The following NRG1 variants were observed in gnomAD, a reference collection of about 807,000 sequenced individuals.
NRG1 encodes the protein neuregulin 1, also known as pro-neuregulin-1, membrane-bound isoform.
In NRG1, 18 loss-of-function variants were observed where a neutral mutation model predicts 63.8. That is an observed-to-expected ratio of 0.28 (90% CI 0.19 to 0.42). The LOEUF is 0.42. Ranked by LOEUF, NRG1 falls within the 10% of genes least tolerant of loss-of-function variation. NRG1 has a pLI of 1.00. For missense variants in NRG1, 762 were observed against 814.7 expected (o/e 0.94, Z 0.79); for synonymous variants, 302 against 301.3 (o/e 1.00, Z -0.02).
chr8:32,396,718 G>T (rs1203305298), intron 1 of NRG1, among the ~76,000 whole-genome samples: 2 of 152,142 alleles, frequency 1.3e-5, no homozygotes, highest in East Asian at 3.9e-4. Flanking sequence ...AAAGTACTGG[G>T]ATTACAGGCA....
Position 31,791,215 on chromosome 8 carries a change from AAAAAAGAAAG to A in NRG1, c.37+151790_37+151799del, listed in dbSNP as rs1161561927. Among the ~76,000 whole-genome samples the A allele has an allele frequency of 6.6e-5, 10 of 151,910 alleles. 1 individual carries two copies. The highest frequency in any genetic ancestry group is 2.4e-4 in the African/African-American group (10 of 41,442). ...AGAGTGAAACTGTGCCAAAAAAAAAAAAAAAGAAAGAAAAAAAGAAGAGATAGTGAGATAG... is the reference window on the plus strand; with the variant it reads ...AGAGTGAAACTGTGCCAAAAAAAAAAAAAAAAAGAAGAGATAGTGAGATAG... On this transcript the variant is annotated intron_variant, in intron 1 of 10. Transcript: ENST00000519301.
chr8:32,412,151 G>A (rs1336758170), intron 1 of NRG1, among the ~76,000 whole-genome samples: 2 of 152,046 alleles, frequency 1.3e-5, no homozygotes, highest in Non-Finnish European at 2.9e-5. Flanking sequence ...TGACTGCTTT[G>A]AGCTGGGACA....
chr8:32,551,017 A>G (rs377715640), intron 1 of NRG1, among the ~76,000 whole-genome samples: 3 of 152,370 alleles, frequency 2.0e-5, no homozygotes, highest in African/African-American at 7.2e-5. Context: ...CAACAACTTG[A>G]AACCAGCTTT....
At chr8:32,770,135 CA>C (rs1184962208), downstream of NRG1, among the ~76,000 whole-genome samples, 1 of 151,994 alleles carries the variant, frequency 6.6e-6, no homozygotes, top group African/African-American at 2.4e-5. Flanking sequence ...CACAGGATGC[CA>C]AAAAGGCTAA....
chr8:31,824,342 A>G (rs1824325541), intron 1 of NRG1, among the ~76,000 whole-genome samples: 1 of 151,986 alleles, frequency 6.6e-6, no homozygotes, highest in African/African-American at 2.4e-5. Context: ...TGTCCCTACA[A>G]AGGACATGAA....
chr8:32,697,867 A>G (rs963507217), intron 5 of NRG1, among the ~76,000 whole-genome samples: 3 of 152,228 alleles, frequency 2.0e-5, no homozygotes, highest in Non-Finnish European at 4.4e-5. Context: ...TTTCAGTGCC[A>G]TCACTGATAC....
chr8:31,934,971 G>T (rs941819644), intron 1 of NRG1, among the ~76,000 whole-genome samples: 1 of 152,072 alleles, frequency 6.6e-6, no homozygotes, highest in Non-Finnish European at 1.5e-5. Flanking sequence ...AATAGAGTCA[G>T]GGTATTGCTC....
intron 5 of NRG1, among the ~76,000 whole-genome samples, chr8:32,726,474 C>T (rs1042933789): frequency 3.9e-5 from 6 of 152,062 alleles, no homozygotes; most frequent in African/African-American, 1.4e-4. Flanking sequence ...AGACTTGAAC[C>T]ACATCTGTCT....
At chr8:32,050,487 T>G (rs1230687011) in intron 1 of NRG1, among the ~76,000 whole-genome samples, 1 of 152,156 alleles carries the variant, frequency 6.6e-6, no homozygotes, top group African/African-American at 2.4e-5. Flanking sequence ...ACCAAACATG[T>G]GATCAAAAGT....
intron 1 of NRG1, among the ~76,000 whole-genome samples, chr8:31,918,111 G>A (rs375766778): frequency 6.0e-4 from 91 of 152,146 alleles, no homozygotes; most frequent in Middle Eastern, 3.4e-3. Flanking sequence ...GGCTGAGACA[G>A]TGGGGTTTTC....
chr8:32,032,493 T>C (rs1050386882), intron 1 of NRG1, among the ~76,000 whole-genome samples: 3 of 152,188 alleles, frequency 2.0e-5, no homozygotes, highest in Admixed American at 6.5e-5. Context: ...CTCAAGCTCC[T>C]GACCTCAGGT....
chr8:32,393,758 G>A (rs941870707), intron 1 of NRG1, among the ~76,000 whole-genome samples: 1 of 152,080 alleles, frequency 6.6e-6, no homozygotes, highest in Admixed American at 6.6e-5. Context: ...GGAGGGAGAG[G>A]ATCAGAAAAA....
intron 1 of NRG1, among the ~76,000 whole-genome samples, chr8:32,430,150 G>A (rs933395407): frequency 2.0e-5 from 3 of 152,128 alleles, no homozygotes; most frequent in African/African-American, 7.2e-5. Flanking sequence ...ATTTTGTAAT[G>A]TAAGCTTGAC....
At position 32,653,079 on chromosome 8, in the gene NRG1, G is replaced by A. The variant is rs77833166; in HGVS notation, c.502+36194G>A. 8.4e-3 allele frequency among the ~76,000 whole-genome samples: 1,275 copies of A among 151,364 alleles called. 97 individuals are homozygous for A. The East Asian group carries it at 0.2, about 23-fold the overall frequency. ...TCATGTTTCTACTTTTATTACTTTT[G>A]CTCTACATCAATGCTTTGTTTTTCT... On this transcript the variant is annotated intron_variant, in intron 5 of 11. Transcript: ENST00000356819.
chr8:32,427,736 T>C (rs1817575763), intron 1 of NRG1, among the ~76,000 whole-genome samples: 1 of 152,216 alleles, frequency 6.6e-6, no homozygotes, highest in African/African-American at 2.4e-5. Flanking sequence ...ATTCTAAGAT[T>C]GTTCTAACGT....
At chr8:32,054,989 G>A (rs185241505) in intron 1 of NRG1, among the ~76,000 whole-genome samples, 311 of 140,220 alleles carry the variant, frequency 2.2e-3, no homozygotes, top group Admixed American at 5.2e-3. Context: ...CCGGGTTCAA[G>A]CAATTCTCCT....
intron 1 of NRG1, among the ~76,000 whole-genome samples, chr8:32,197,602 G>A (rs1229228652): frequency 6.6e-6 from 1 of 152,180 alleles, no homozygotes; most frequent in Non-Finnish European, 1.5e-5. Flanking sequence ...GTTCCTTTCA[G>A]TTTTAACCTT....
chr8:32,073,681 A>G (rs557080343), intron 1 of NRG1, among the ~76,000 whole-genome samples: 2 of 152,330 alleles, frequency 1.3e-5, no homozygotes, highest in East Asian at 3.9e-4. Context: ...TTTAGGCTGC[A>G]TCTATGCACT....
intron 1 of NRG1, among the ~76,000 whole-genome samples, chr8:31,999,685 G>T (rs1025649523): frequency 2.6e-5 from 4 of 151,842 alleles, no homozygotes; most frequent in Admixed American, 2.6e-4. Context: ...ATAAAGCACT[G>T]AGTTAAAGAG....
Sources: allele counts gnomAD v4.1 joint callset (sites outside exome capture counted in the v4.1 genomes callset), GRCh38; gene constraint gnomAD v4.1.1; transcripts MANE v1.5; gene names NCBI Gene and HGNC (gene_info 2026-07-23, HGNC 2026-07-21).